Variants in GRAP2 observed in about 807,000 individuals in gnomAD.
The protein encoded by GRAP2 is GRB2-related adapter protein 2.
In GRAP2, 31 loss-of-function variants were observed where a neutral mutation model predicts 43.5. That is an observed-to-expected ratio of 0.71 (90% CI 0.54 to 0.96). The LOEUF (loss-of-function observed/expected upper bound fraction) is 0.96. Among genes scored for constraint, GRAP2 ranks in the 40% least tolerant of loss-of-function variants. GRAP2 has a pLI of 0.00. For missense variants in GRAP2, 371 were observed against 424.4 expected, an observed-to-expected ratio of 0.87 and a Z score of 1.11; for synonymous variants, 156 against 164.8, an observed-to-expected ratio of 0.95 and a Z score of 0.41.
chr22:39,894,974 T>C, the GRAP2 span, among the ~76,000 whole-genome samples: 4 of 152,128 alleles, frequency 2.6e-5, no homozygotes, highest in African/African-American at 9.7e-5. Context: ...GAGGAGGACG[T>C]AAGAGGCAAA....
At chr22:39,932,865 T>C (rs1223848976) in intron 1 of GRAP2, among the ~76,000 whole-genome samples, 1 of 152,186 alleles carries the variant, frequency 6.6e-6, no homozygotes, top group African/African-American at 2.4e-5. Context: ...ATCATCCCTG[T>C]TTTTAAAATG....
intron 7 of GRAP2, among the ~76,000 whole-genome samples, chr22:39,970,299 T>C (rs2067225271): frequency 6.6e-6 from 1 of 152,152 alleles, no homozygotes; most frequent in Non-Finnish European, 1.5e-5. Context: ...CAGGCTGGTC[T>C]GGAACTCCTG....
intron 1 of GRAP2, among the ~76,000 whole-genome samples, chr22:39,931,869 G>A (rs2066758730): frequency 6.6e-6 from 1 of 152,000 alleles, no homozygotes; most frequent in Non-Finnish European, 1.5e-5. Flanking sequence ...ATATATAATG[G>A]TAAAAGCATG....
At chr22:39,899,730 C>T (rs534804498), upstream of GRAP2, among the ~76,000 whole-genome samples, 44 of 152,238 alleles carry the variant, frequency 2.9e-4, 1 homozygote, top group South Asian at 9.1e-3. Context: ...TGCCTGTAAT[C>T]CCAGCACTTT....
chr22:39,941,678 T>C (rs2066872451), intron 1 of GRAP2, among the ~76,000 whole-genome samples: 1 of 152,226 alleles, frequency 6.6e-6, no homozygotes. Flanking sequence ...GGAACCCTGC[T>C]ATGCCCATTC....
At chr22:39,933,850 A>G (rs1321099753) in intron 1 of GRAP2, among the ~76,000 whole-genome samples, 4 of 152,018 alleles carry the variant, frequency 2.6e-5, no homozygotes, top group Admixed American at 6.6e-5. Flanking sequence ...CGAAAAAAAA[A>G]AAAAGAAAAG....
intron 1 of GRAP2, among the ~76,000 whole-genome samples, chr22:39,915,199 A>G (rs577998274): frequency 1.7e-4 from 26 of 151,686 alleles, no homozygotes; most frequent in Admixed American, 3.9e-4. Flanking sequence ...AAAAAAAAAA[A>G]AAAAAAGAAA....
intron 1 of GRAP2, among the ~76,000 whole-genome samples, chr22:39,908,415 G>C (rs1184971730): frequency 6.6e-6 from 1 of 152,142 alleles, no homozygotes; most frequent in East Asian, 1.9e-4. Flanking sequence ...CTCTGCAATG[G>C]GCAGACATCC....
chr22:39,959,288 GC>G (rs2067090751), intron 3 of GRAP2, among the ~76,000 whole-genome samples: 1 of 152,204 alleles, frequency 6.6e-6, no homozygotes. Context: ...ACCTCCAGGG[GC>G]TGCCACCCTG....
chr22:39,928,809 T>C (rs1165878353), intron 1 of GRAP2, among the ~76,000 whole-genome samples: 1 of 152,202 alleles, frequency 6.6e-6, no homozygotes, highest in Non-Finnish European at 1.5e-5. Context: ...TCATTATAGA[T>C]GCTGATGGGA....
At chr22:39,939,239 G>A (rs1162135945) in intron 1 of GRAP2, among the ~76,000 whole-genome samples, 2 of 152,222 alleles carry the variant, frequency 1.3e-5, no homozygotes, top group African/African-American at 4.8e-5. Flanking sequence ...TGAGAAGGCT[G>A]TTTGTTCTCC....
intron 1 of GRAP2, chr22:39,926,793 A>G: frequency 2.0e-6 from 2 of 985,062 alleles, no homozygotes; most frequent in Non-Finnish European, 2.4e-6. Context: ...GGTTCGCCCA[A>G]ACAATTCTGG....
rs772543574 is a variant in GRAP2 at position 39,961,712 on chromosome 22, A to G, written c.290+1538A>G. Among the ~76,000 whole-genome samples, 4 of 152,254 alleles carry G rather than the reference A, an allele frequency of 2.6e-5. No homozygotes were observed. In the East Asian group the frequency reaches 5.8e-4, roughly 22 times the overall value. On this transcript the variant is annotated intron_variant, in intron 4 of 7. Transcript: ENST00000344138. Reference sequence around the variant, plus strand: ...TCACCACATGTGAAACTGCAAGAATATAATGCTGTTAGCAGATCAGGAGAA... The same window carrying G: ...TCACCACATGTGAAACTGCAAGAATGTAATGCTGTTAGCAGATCAGGAGAA...
intron 4 of GRAP2, among the ~76,000 whole-genome samples, chr22:39,962,179 T>C (rs138002): frequency 0.46 from 70,477 of 152,028 alleles, 17,693 homozygotes; most frequent in Middle Eastern, 0.61. Context: ...TCCCAGCACT[T>C]TGGGAGGCTG....
chr22:39,966,881 C>T (rs1025953712), intron 5 of GRAP2, among the ~76,000 whole-genome samples: 4 of 152,144 alleles, frequency 2.6e-5, no homozygotes, highest in African/African-American at 4.8e-5. Context: ...CCTCACTGGG[C>T]TGTTGTGAGG....
intron 1 of GRAP2, among the ~76,000 whole-genome samples, chr22:39,916,084 C>T (rs1354421766): frequency 1.3e-5 from 2 of 152,250 alleles, no homozygotes; most frequent in African/African-American, 4.8e-5. Context: ...AATCCACCCT[C>T]CCTTCCCAGC....
At chr22:39,961,679 A>G (rs1385055996) in intron 4 of GRAP2, among the ~76,000 whole-genome samples, 1 of 152,238 alleles carries the variant, frequency 6.6e-6, no homozygotes, top group Non-Finnish European at 1.5e-5. Context: ...CAAGTCACGT[A>G]TCAGACTTCA....
intron 1 of GRAP2, among the ~76,000 whole-genome samples, chr22:39,902,151 G>T (rs924326166): frequency 6.6e-6 from 1 of 152,182 alleles, no homozygotes; most frequent in African/African-American, 2.4e-5. Flanking sequence ...AGATAAACTA[G>T]GAGTGGGAAG....
At chr22:39,955,782 C>T in intron 2 of GRAP2, 37 bp from the exon 3 acceptor site, 1 of 1,041,914 alleles carries the variant, frequency 9.6e-7, no homozygotes, top group African/African-American at 1.6e-5. Context: ...TGGTGTCCTC[C>T]CTCCAATGTC....
Sources: gnomAD v4.1 joint callset for allele counts (sites outside exome capture counted in the v4.1 genomes callset) on GRCh38, gnomAD v4.1.1 for gene constraint, MANE v1.5 for transcripts, NCBI Gene and HGNC (gene_info 2026-07-23, HGNC 2026-07-21) for gene names.